PGK1: variants seen among roughly 807,000 people sequenced by gnomAD.
PGK1 encodes phosphoglycerate kinase 1, also known as PRP 2.
PGK1 carries 3 observed loss-of-function variants against 26.9 expected under a neutral mutation model. That is an observed-to-expected ratio of 0.11 (90% CI 0.05 to 0.29). PGK1 has a LOEUF of 0.29. Ranked by LOEUF, PGK1 falls within the 10% of genes least tolerant of loss-of-function variation. PGK1 has a pLI of 1.00. For missense variants in PGK1, 270 were observed against 314.7 expected, an observed-to-expected ratio of 0.86 and a Z score of 1.07; for synonymous variants, 125 against 115.3, an observed-to-expected ratio of 1.08 and a Z score of -0.54.
chrX:78,125,479 A>G (rs1388282256), intron 10 of PGK1, 54 bp downstream of exon 10: 3 of 790,226 alleles, frequency 3.8e-6, no homozygotes, highest in Admixed American at 4.6e-5. Context: ...CTGTGCAGTG[A>G]GAGGTGGGTA....
In PGK1 at chrX:78,129,224, T is replaced by C. The variant is rs868994333; in HGVS notation, c.*3394T>C. The C allele has an allele frequency of 1.0e-5, 1 of 99,998 alleles. No homozygotes were observed. The highest frequency in any genetic ancestry group is 3.6e-5 in the African/African-American group (1 of 28,095). The allele number at this position is 99,998 out of a possible 1,213,427, so 8.2% of individuals were successfully genotyped here. On this transcript the variant is annotated 3_prime_UTR_variant, in exon 11 of 11. Transcript: ENST00000373316. Reference sequence around the variant, plus strand: ...AAGAGCATACCCATGTGTGTACCTATCTATCTATCTATCTATCTATCTATC... The same window carrying C: ...AAGAGCATACCCATGTGTGTACCTACCTATCTATCTATCTATCTATCTATC...
Position 78,123,284 on chromosome X carries a change from G to C in PGK1, c.846G>C (p.Leu282Phe), listed in dbSNP as rs782668224. Residue 282 changes from leucine (L) to phenylalanine (F), a missense_variant, in exon 8 of 11, where the codon TTG (leucine) becomes TTC (phenylalanine). Around this residue, in one of 3 missense-constraint regions of PGK1, gnomAD observed 103 missense variants for 114.6 expected, o/e 0.90. Coordinates refer to ENST00000373316, the MANE Select transcript of PGK1 (RefSeq NM_000291.4). ...AGAAGAATGGTGTGAAGATTACCTT[G>C]CCTGTTGACTTTGTCACTGCTGACA... Reference protein sequence around the residue: ...KAEKNGVKITLPVDFVTADKF... With the variant: ...KAEKNGVKITFPVDFVTADKF... 102 of 1,202,783 alleles carry C rather than the reference G, an allele frequency of 8.5e-5. No homozygotes were observed. In the Admixed American group the frequency reaches 2.2e-3, roughly 26 times the overall value.
At position 78,121,268 on chromosome X, in the gene PGK1, G is replaced by A. The variant is rs1453058728; in HGVS notation, c.642-1567G>A. 3.6e-5 allele frequency among the ~76,000 whole-genome samples: 4 copies of A among 112,102 alleles called. No individual in the cohort carries two copies. The Admixed American group carries it at 3.8e-4, about 11-fold the overall frequency. ...TCCATGCATTGCCTTTGGCTGTTAG[G>A]TATCTCTTGTAATAATCTCCTATTT... On this transcript the variant is annotated intron_variant, in intron 6 of 10. Transcript: ENST00000373316.
chrX:78,109,998 A>AT (rs2078292241), intron 2 of PGK1, 81 bp downstream of exon 2: 1 of 657,470 alleles, frequency 1.5e-6, no homozygotes, highest in South Asian at 2.2e-5. Context: ...TTCATATTGT[A>AT]TTATGGAACT....
intron 8 of PGK1, among the ~76,000 whole-genome samples, chrX:78,124,004 T>G (rs2078370348): frequency 9.0e-6 from 1 of 111,699 alleles, no homozygotes; most frequent in Non-Finnish European, 1.9e-5. Context: ...TGGTTTGGGT[T>G]GTTTTGGATT....
At chrX:78,122,696 T>C (rs1035999708) in intron 6 of PGK1, 139 bp from the exon 7 acceptor site, 10 of 472,814 alleles carry the variant, frequency 2.1e-5, no homozygotes, top group African/African-American at 7.2e-5. Context: ...TGGAGAAACA[T>C]AGGGCAAAGT....
intron 8 of PGK1, among the ~76,000 whole-genome samples, chrX:78,124,599 C>G (rs1557248424): frequency 1.8e-5 from 2 of 111,625 alleles, no homozygotes; most frequent in Non-Finnish European, 3.8e-5. Context: ...CAGAACTGAC[C>G]TGGTTGAGAA....
intron 4 of PGK1, among the ~76,000 whole-genome samples, chrX:78,115,217 G>A (rs1322424482): frequency 9.0e-6 from 1 of 111,575 alleles, no homozygotes; most frequent in Non-Finnish European, 1.9e-5. Flanking sequence ...GAGGCAAAGG[G>A]CATATTGAAG....
rs1391317378 is a variant in PGK1, at chrX:78,126,341, T to G, written c.*511T>G. ...ATAGAATCTTGAGGAACGGATCAGA[T>G]GTCTATATTGCTGAATGCAAGAAGT... On this transcript the variant is annotated 3_prime_UTR_variant, in exon 11 of 11. Transcript: ENST00000373316. 1.6e-5 allele frequency: 2 copies of G among 124,034 alleles called. No homozygotes were observed. The highest frequency in any genetic ancestry group is 6.4e-5 in the African/African-American group (2 of 31,072). The allele number at this position is 124,034 out of a possible 1,213,427, so 10.2% of individuals were successfully genotyped here. A position where few individuals can be genotyped will look rare whatever the true frequency, so the allele number is the denominator to read the frequency against.
intron 2 of PGK1, among the ~76,000 whole-genome samples, chrX:78,112,361 T>C (rs2078305664): frequency 8.9e-6 from 1 of 112,728 alleles, no homozygotes. Context: ...AATAAATATT[T>C]GATGAATAAA....
chrX:78,108,659 G>A (rs1337845938), intron 1 of PGK1, among the ~76,000 whole-genome samples: 1 of 111,327 alleles, frequency 9.0e-6, no homozygotes, highest in Non-Finnish European at 1.9e-5. Context: ...GAGAGGAAGG[G>A]GTATTTAAAA....
intron 1 of PGK1, among the ~76,000 whole-genome samples, chrX:78,105,000 C>A (rs2078263762): frequency 8.9e-6 from 1 of 112,599 alleles, no homozygotes; most frequent in African/African-American, 3.2e-5. Flanking sequence ...CAGGCGTCTG[C>A]TGCCCTGCAG....
intron 1 of PGK1, among the ~76,000 whole-genome samples, chrX:78,105,278 A>T (rs1046261567): frequency 2.1e-4 from 23 of 111,917 alleles, no homozygotes; most frequent in Non-Finnish European, 3.8e-4. Flanking sequence ...TTTTACATTT[A>T]TCCTTTTTGT....
chrX:78,106,414 C>T, intron 1 of PGK1: 5 of 748,812 alleles, frequency 6.7e-6, no homozygotes, highest in Non-Finnish European at 7.9e-6. Context: ...TACATGGTTC[C>T]CTGATTATTA....
At chrX:78,104,469 G>C in intron 1 of PGK1, 64 bp downstream of exon 1, 6 of 881,041 alleles carry the variant, frequency 6.8e-6, no homozygotes, top group Non-Finnish European at 6.7e-6. Context: ...GGCCGGAGCC[G>C]ACTTGTTCTC....
At chrX:78,108,529 C>T (rs1481586465) in intron 1 of PGK1, among the ~76,000 whole-genome samples, 3 of 112,168 alleles carry the variant, frequency 2.7e-5, no homozygotes, top group Non-Finnish European at 3.8e-5. Flanking sequence ...TATTTTTCCT[C>T]AGCCTACCTT....
At chrX:78,109,518 T>G (rs2078289337) in intron 1 of PGK1, among the ~76,000 whole-genome samples, 1 of 110,628 alleles carries the variant, frequency 9.0e-6, no homozygotes, top group Non-Finnish European at 1.9e-5. Flanking sequence ...CTAGTTCCTG[T>G]GATTTAAGTT....
At chrX:78,114,775 C>T (rs574251743) in intron 4 of PGK1, among the ~76,000 whole-genome samples, 4 of 112,314 alleles carry the variant, frequency 3.6e-5, no homozygotes, top group African/African-American at 9.7e-5. Flanking sequence ...GAACTACTCA[C>T]CTCTGCCGAT....
intron 6 of PGK1, 94 bp from the exon 7 acceptor site, chrX:78,122,741 G>C: frequency 1.7e-6 from 1 of 573,369 alleles, no homozygotes; most frequent in East Asian, 3.4e-5. Flanking sequence ...GACTTTCTCT[G>C]TTCCTGTGCC....
Sources: allele counts gnomAD v4.1 joint callset (sites outside exome capture counted in the v4.1 genomes callset), GRCh38; gene constraint gnomAD v4.1.1; regional missense constraint gnomAD v4.1.1; transcripts MANE v1.5; gene names NCBI Gene and HGNC (gene_info 2026-07-23, HGNC 2026-07-21).